Variants in MYSM1 observed in about 807,000 individuals in gnomAD.
The protein encoded by MYSM1 is Myb like, SWIRM and MPN domains 1, also known as deubiquitinase MYSM1.
Under a neutral mutation model 116.0 loss-of-function variants are expected in MYSM1, and 51 were observed. The ratio of observed to expected loss-of-function variants is 0.44; its 90% CI spans 0.35 to 0.56. MYSM1 has a LOEUF of 0.56. Among genes scored for constraint, MYSM1 ranks in the 20% least tolerant of loss-of-function variants. The pLI is 0.00. For synonymous variants in MYSM1, 313 were observed against 315.2 expected, an observed-to-expected ratio of 0.99 and a Z score of 0.07; for missense variants, 900 against 974.9, an observed-to-expected ratio of 0.92 and a Z score of 1.02.
At chr1:58,679,828 G>C (rs1644711185) in intron 8 of MYSM1, among the ~76,000 whole-genome samples, 1 of 151,884 alleles carries the variant, frequency 6.6e-6, no homozygotes, top group Non-Finnish European at 1.5e-5. Flanking sequence ...AGGAGTTCTA[G>C]ACCAGCCTGG....
At chr1:58,668,381 A>G in intron 14 of MYSM1, 1 of 1,166,052 alleles carries the variant, frequency 8.6e-7, no homozygotes, top group Non-Finnish European at 1.1e-6. Flanking sequence ...CACATATATT[A>G]GAAACTTAAA....
At chr1:58,698,102 A>ATATATATATATATATATATATTTTTTTTT in intron 1 of MYSM1, among the ~76,000 whole-genome samples, 13 of 7,752 alleles carry the variant, frequency 1.7e-3, no homozygotes, top group Non-Finnish European at 4.4e-3. Flanking sequence ...ATATATATAT[A>ATATATATATATATATATATATTTTTTTTT]TTTTTTTTTT....
At chr1:58,680,058 G>C (rs937297508) in intron 8 of MYSM1, among the ~76,000 whole-genome samples, 2 of 149,066 alleles carry the variant, frequency 1.3e-5, no homozygotes, top group Non-Finnish European at 3.0e-5. Flanking sequence ...AAGGTTGTGA[G>C]CCACTACTCC....
At chr1:58,699,671 T>C (rs763926102) in intron 1 of MYSM1, 3 of 985,332 alleles carry the variant, frequency 3.0e-6, no homozygotes, top group Non-Finnish European at 3.6e-6. Context: ...GTCGATGAGA[T>C]CCTGAAAAGG....
intron 14 of MYSM1, 47 bp from the exon 15 acceptor site, chr1:58,667,968 T>G: frequency 7.6e-7 from 1 of 1,316,822 alleles, no homozygotes; most frequent in Non-Finnish European, 1.1e-6. Flanking sequence ...CAAACCCACC[T>G]GACAAAGTAA....
intron 6 of MYSM1, among the ~76,000 whole-genome samples, chr1:58,686,976 AAAG>A (rs1426136219): frequency 2.0e-5 from 3 of 151,764 alleles, no homozygotes; most frequent in African/African-American, 7.2e-5. Context: ...AAAAAAAAAA[AAAG>A]AAGATAAAAA....
chr1:58,667,822 C>T (rs1557507768), intron 15 of MYSM1, 25 bp downstream of exon 15: 2 of 1,452,000 alleles, frequency 1.4e-6, no homozygotes, highest in African/African-American at 1.4e-5. Context: ...ATAACTAAAA[C>T]ATTTTTTTAA....
At chr1:58,661,606 A>G (rs1644392975) in intron 17 of MYSM1, 95 bp from the exon 18 acceptor site, 1 of 681,318 alleles carries the variant, frequency 1.5e-6, no homozygotes, top group Non-Finnish European at 2.5e-6. Context: ...GTGTTTTTAC[A>G]GCCATAGCTT....
intron 8 of MYSM1, among the ~76,000 whole-genome samples, 169 bp downstream of exon 8, chr1:58,681,616 A>G (rs368106519): frequency 5.9e-5 from 9 of 152,362 alleles, no homozygotes; most frequent in African/African-American, 2.2e-4. Context: ...TGAGAGTTAT[A>G]GGTGATAATG....
In MYSM1 at chr1:58,656,770, AC is replaced by A. The variant is rs1644324312; in HGVS notation, c.*3226del. ...GCCCTTCAGAATACAGGCAATGCCA[AC>A]TTATCCATTAGGCACAGTACCTAAG... On this transcript the variant is annotated 3_prime_UTR_variant, in exon 20 of 20. Transcript: ENST00000472487. 6.6e-6 allele frequency: 1 copy of A among 152,194 alleles called. No homozygotes were observed. The highest frequency in any genetic ancestry group is 1.5e-5 in the Non-Finnish European group (1 of 68,044). 9.4% of individuals were successfully genotyped at this position (152,194 alleles called of 1,614,324 possible). A position where few individuals can be genotyped will look rare whatever the true frequency, so the allele number is the denominator to read the frequency against.
intron 17 of MYSM1, among the ~76,000 whole-genome samples, 174 bp from the exon 18 acceptor site, chr1:58,661,685 T>C (rs1042362660): frequency 2.6e-5 from 4 of 152,252 alleles, no homozygotes; most frequent in African/African-American, 9.6e-5. Flanking sequence ...CGATTGTACT[T>C]GGTCCACTAA....
rs1219856211 is a variant in MYSM1, at chr1:58,668,956, C to T, written c.1716+28G>A. 9.7e-6 allele frequency: 15 copies of T among 1,551,074 alleles called. 1 individual carries two copies. The Middle Eastern group carries it at 2.0e-3, about 208-fold the overall frequency. On this transcript the variant is annotated intron_variant, in intron 13 of 19. Transcript: ENST00000472487. Reference sequence around the variant, plus strand: ...TTGACGGGGAAGCGGGGATTGTCTACTGTCATTCATTAATGCATAAATAGT... The same window carrying T: ...TTGACGGGGAAGCGGGGATTGTCTATTGTCATTCATTAATGCATAAATAGT...
At chr1:58,665,137 G>C (rs935632009) in intron 17 of MYSM1, among the ~76,000 whole-genome samples, 1 of 150,870 alleles carries the variant, frequency 6.6e-6, no homozygotes, top group Admixed American at 6.6e-5. Context: ...TTTTTCATTT[G>C]CATGCCATCA....
At chr1:58,664,102 T>C (rs889215755) in intron 17 of MYSM1, among the ~76,000 whole-genome samples, 5 of 152,214 alleles carry the variant, frequency 3.3e-5, no homozygotes. Flanking sequence ...CATGTAATTC[T>C]AATCAACTTA....
At chr1:58,670,293 C>T (rs1210239304) in intron 12 of MYSM1, among the ~76,000 whole-genome samples, 1 of 152,124 alleles carries the variant, frequency 6.6e-6, no homozygotes, top group African/African-American at 2.4e-5. Flanking sequence ...TCCTGGAGTA[C>T]TTAAGAACCA....
Position 58,667,245 on chromosome 1 carries a change from C to A in MYSM1, c.1843-19G>T. ...CACAGACCTATAAACGATTGATCCTCAAATGATTATACTAAAATCCTGTTA... is the reference window on the plus strand; with the variant it reads ...CACAGACCTATAAACGATTGATCCTAAAATGATTATACTAAAATCCTGTTA... On this transcript the variant is annotated intron_variant, in intron 15 of 19. Transcript: ENST00000472487. 6.9e-7 allele frequency: 1 copy of A among 1,449,218 alleles called. No individual in the cohort carries two copies. Among genetic ancestry groups the A allele is most frequent in the South Asian group, 1.6e-5 (1 of 62,626 alleles). 89.8% of individuals were successfully genotyped at this position (1,449,218 alleles called of 1,614,324 possible).
rs760780525 is a variant in MYSM1, at chr1:58,666,874, C to CA, written c.2031+163dup. ...GGGCAACAAGAGCGAAACTCTGTCT[C>CA]AAAAAAAAAATAATAATAAAAATAA... On this transcript the variant is annotated intron_variant, in intron 16 of 19. Coordinates refer to ENST00000472487, the MANE Select transcript of MYSM1 (RefSeq NM_001085487.3). 4.2e-3 allele frequency among the ~76,000 whole-genome samples: 563 copies of CA among 134,050 alleles called. 5 individuals carry two copies. The highest frequency in any genetic ancestry group is 0.013 in the African/African-American group (477 of 36,890). 87.9% of individuals were successfully genotyped at this position (134,050 alleles called of 152,430 possible). A position where few individuals can be genotyped will look rare whatever the true frequency, so the allele number is the denominator to read the frequency against.
chr1:58,671,754 G>T lies in MYSM1; in HGVS notation c.1661+116C>A, dbSNP rs138593893. ...AACAAAAAAAATCTAAAAAATTGTA[G>T]CAGTATTTTTTTAAACTTAATGTGA... is the stretch of plus-strand genomic sequence containing the variant. On this transcript the variant is annotated intron_variant, in intron 12 of 19. Coordinates refer to ENST00000472487, the MANE Select transcript of MYSM1 (RefSeq NM_001085487.3). 1.0e-3 allele frequency: 740 copies of T among 705,948 alleles called. 5 individuals carry two copies. The African/African-American group carries it at 0.012, about 12-fold the overall frequency. 43.7% of individuals were successfully genotyped at this position (705,948 alleles called of 1,614,324 possible). A position where few individuals can be genotyped will look rare whatever the true frequency, so the allele number is the denominator to read the frequency against.
intron 18 of MYSM1, 40 bp downstream of exon 18, chr1:58,661,363 GCAA>G (rs764445197): frequency 7.4e-7 from 1 of 1,344,092 alleles, no homozygotes; most frequent in Non-Finnish European, 1.1e-6. Context: ...AATTTAATGA[GCAA>G]CACTGCAGAT....
Sources: allele counts gnomAD v4.1 joint callset (sites outside exome capture counted in the v4.1 genomes callset), GRCh38; gene constraint gnomAD v4.1.1; transcripts MANE v1.5; gene names NCBI Gene and HGNC (gene_info 2026-07-23, HGNC 2026-07-21).